MELTF: variants seen among roughly 807,000 people sequenced by gnomAD.
MELTF encodes antigen p97 (melanoma associated) identified by monoclonal antibodies 133.2 and 96.5.
In MELTF, 67 loss-of-function variants were observed where a neutral mutation model predicts 83.7. That is an observed-to-expected ratio of 0.80 (90% CI 0.66 to 0.98). The LOEUF (loss-of-function observed/expected upper bound fraction) is 0.98. Among genes scored for constraint, MELTF ranks in the 50% least tolerant of loss-of-function variants. The probability of loss-of-function intolerance (pLI) is 0.00; values close to 1 mark genes in which losing one functional copy is unlikely to be tolerated. For missense variants in MELTF, 1,002 were observed against 1,035.6 expected (o/e 0.97, Z 0.44); for synonymous variants, 462 against 447.6 (o/e 1.03, Z -0.41).
At chr3:197,014,115 A>G (rs1719274877) in intron 9 of MELTF, among the ~76,000 whole-genome samples, 1 of 152,228 alleles carries the variant, frequency 6.6e-6, no homozygotes, top group African/African-American at 2.4e-5. Flanking sequence ...CCAGGTGTCC[A>G]ACAACAGAGG....
At position 197,024,120 on chromosome 3, in the gene MELTF, A is replaced by C. The variant is rs890732239; in HGVS notation, c.487+183T>G. On this transcript the variant is annotated intron_variant, in intron 4 of 15. Coordinates refer to ENST00000296350, the MANE Select transcript of MELTF (RefSeq NM_005929.6). This position sits in a 1 kb window ranked among gnomAD's most constrained non-coding sequence, Gnocchi z 5.3. Reference sequence around the variant, plus strand: ...CAGGGTCCAAGCAAGCAGGAAGTCAAGCGGCGGCGCCGGCGGCAGAGTGGA... The same window carrying C: ...CAGGGTCCAAGCAAGCAGGAAGTCACGCGGCGGCGCCGGCGGCAGAGTGGA... Among the ~76,000 whole-genome samples the C allele has an allele frequency of 1.5e-5, 2 of 137,670 alleles. No homozygotes were observed. The highest frequency in any genetic ancestry group is 5.4e-5 in the African/African-American group (2 of 37,082). 90.3% of individuals were successfully genotyped at this position (137,670 alleles called of 152,430 possible).
At chr3:197,027,583 G>A (rs1719907584) in intron 2 of MELTF, among the ~76,000 whole-genome samples, 173 bp downstream of exon 2, 1 of 152,248 alleles carries the variant, frequency 6.6e-6, no homozygotes, top group Non-Finnish European at 1.5e-5. Flanking sequence ...CCCACCTCCT[G>A]GCCTGGGCCC....
Position 197,003,268 on chromosome 3 carries a change from C to T in MELTF, c.*104G>A, listed in dbSNP as rs1293684671. ...TCCCGGGGAGGCGCCTGCTCCCGCC[C>T]ACGCCGGGCCCGGCCTTCGCGAGCT... On this transcript the variant is annotated 3_prime_UTR_variant, in exon 16 of 16. Coordinates refer to ENST00000296350, the MANE Select transcript of MELTF (RefSeq NM_005929.6). This position sits in a 1 kb window ranked among gnomAD's most constrained non-coding sequence, Gnocchi z 6.2. 9.7e-7 allele frequency: 1 copy of T among 1,029,234 alleles called. No individual in the cohort carries two copies. Among genetic ancestry groups the T allele is most frequent in the Non-Finnish European group, 1.2e-6 (1 of 860,168 alleles). 63.8% of individuals were successfully genotyped at this position (1,029,234 alleles called of 1,614,324 possible).
intron 9 of MELTF, among the ~76,000 whole-genome samples, chr3:197,014,454 C>A (rs1316762466): frequency 2.4e-5 from 3 of 124,680 alleles, no homozygotes; most frequent in Non-Finnish European, 4.8e-5. Flanking sequence ...ATGGTGTGAT[C>A]TCGGCTCCCT....
chr3:197,003,285 T>TC lies in MELTF; in HGVS notation c.*86dup. On this transcript the variant is annotated 3_prime_UTR_variant, in exon 16 of 16. Transcript: ENST00000296350. This position sits in a 1 kb window ranked among gnomAD's most constrained non-coding sequence, Gnocchi z 6.2. ...CTCCCGCCCACGCCGGGCCCGGCCT[T>TC]CGCGAGCTTCCTTCTGGATTCCAGC... The TC allele has an allele frequency of 9.7e-7, 1 of 1,028,836 alleles. No individual in the cohort carries two copies. Among genetic ancestry groups the TC allele is most frequent in the Non-Finnish European group, 1.2e-6 (1 of 861,046 alleles). The allele number at this position is 1,028,836 out of a possible 1,614,324, so 63.7% of individuals were successfully genotyped here.
chr3:197,006,542 G>A lies in MELTF; in HGVS notation c.1938+7C>T, dbSNP rs765737874. The A allele has an allele frequency of 6.2e-7, 1 of 1,610,468 alleles. No homozygotes were observed. Among genetic ancestry groups the A allele is most frequent in the Non-Finnish European group, 8.5e-7 (1 of 1,178,354 alleles). On this transcript the variant is annotated splice_region_variant and intron_variant, in intron 14 of 15. Coordinates refer to ENST00000296350, the MANE Select transcript of MELTF (RefSeq NM_005929.6). This position sits in a 1 kb window ranked among gnomAD's most constrained non-coding sequence, Gnocchi z 5.4. The stretch of plus-strand genomic sequence containing the variant: ...CCCCTCAATGAGGTAGCCCCACCCT[G>A]GCTCACCTGGGCCTTGTCCAGCAGT...
intron 8 of MELTF, 62 bp from the exon 9 acceptor site, chr3:197,015,578 C>T (rs1005304036): frequency 2.1e-5 from 32 of 1,530,576 alleles, no homozygotes; most frequent in East Asian, 1.4e-4. Flanking sequence ...AGCATGGAGT[C>T]GGACCCAAGG....
chr3:197,017,935 T>C (rs1317941223), intron 6 of MELTF, among the ~76,000 whole-genome samples: 1 of 152,136 alleles, frequency 6.6e-6, no homozygotes, highest in Non-Finnish European at 1.5e-5. Flanking sequence ...TAGGATGAGC[T>C]TGCGGCTGCC....
intron 14 of MELTF, chr3:197,004,372 A>G (rs1489118351): frequency 2.0e-6 from 1 of 503,772 alleles, no homozygotes; most frequent in Non-Finnish European, 3.6e-6. Context: ...CTGAGGCCTG[A>G]GATGTCCAGG....
chr3:197,021,455 C>A lies in MELTF; in HGVS notation c.661G>T (p.Ala221Ser). 2 of 1,614,030 alleles carry A rather than the reference C, an allele frequency of 1.2e-6. No individual in the cohort carries two copies. Among genetic ancestry groups the A allele is most frequent in the Non-Finnish European group, 1.7e-6 (2 of 1,180,022 alleles). ...SGAFRCLAEG[A>S]GDVAFVKHST... is the part of the protein sequence containing the mutation. ...TGCTTCACAAAAGCCACGTCCCCTG[C>A]CCCTTCCGCCAGGCACCTGCGGAGG... Residue 221 changes from alanine (A) to serine (S), a missense_variant, in exon 6 of 16, where the codon GCA becomes TCA. By Grantham distance (99) the Ala-to-Ser change is moderately conservative (BLOSUM62 1). Transcript: ENST00000296350.
At position 197,011,111 on chromosome 3, in the gene MELTF, C is replaced by A. The variant is rs1435293246; in HGVS notation, c.1234-317G>T. On this transcript the variant is annotated intron_variant, in intron 9 of 15. Coordinates refer to ENST00000296350, the MANE Select transcript of MELTF (RefSeq NM_005929.6). The surrounding 1 kb of genome is among the most constrained non-coding windows in gnomAD (Gnocchi z 4.2). ...GCGCGATCCCTACCCTCATGCTTGG[C>A]GTGGGCCTCCCTGTGCCCTGCCAGC... 6.6e-6 allele frequency among the ~76,000 whole-genome samples: 1 copy of A among 152,222 alleles called. No individual in the cohort carries two copies. The highest frequency in any genetic ancestry group is 1.5e-5 in the Non-Finnish European group (1 of 68,024).
chr3:197,017,441 C>G (rs926202220), intron 6 of MELTF, 151 bp from the exon 7 acceptor site: 63 of 666,028 alleles, frequency 9.5e-5, no homozygotes, highest in Admixed American at 8.2e-4. Context: ...GTGGCCGCAC[C>G]CAACTCCAGG....
intron 3 of MELTF, among the ~76,000 whole-genome samples, chr3:197,025,039 G>A (rs910932613): frequency 1.3e-5 from 2 of 152,222 alleles, no homozygotes; most frequent in Non-Finnish European, 2.9e-5. Flanking sequence ...GCCCCAAGTC[G>A]CTCACGACCC....
chr3:197,017,678 C>A (rs749179869), intron 6 of MELTF, among the ~76,000 whole-genome samples: 4 of 152,092 alleles, frequency 2.6e-5, no homozygotes, highest in East Asian at 1.9e-4. Context: ...GAGATCAAGA[C>A]CATCCTGGCT....
Position 197,006,593 on chromosome 3 carries a change from C to T in MELTF, c.1894G>A (p.Asp632Asn), listed in dbSNP as rs1004210759. 2.6e-5 allele frequency: 42 copies of T among 1,612,666 alleles called. No homozygotes were observed. The highest frequency in any genetic ancestry group is 9.4e-5 in the African/African-American group (7 of 74,666). The part of the protein sequence containing the change: ...IPPHAVMVRP[D>N]TNIFTVYGLL... ...CCATACACGGTGAAGATGTTGGTGT[C>T]GGGCCGGACCATCACGGCGTGGGGT... Residue 632 changes from aspartate (D) to asparagine (N), a missense_variant, in exon 14 of 16, where the codon GAC (aspartate) becomes AAC (asparagine). Coordinates refer to ENST00000296350, the MANE Select transcript of MELTF (RefSeq NM_005929.6). The surrounding 1 kb of genome is among the most constrained non-coding windows in gnomAD (Gnocchi z 5.4).
chr3:197,004,886 C>T (rs1303067893), intron 14 of MELTF: 1 of 152,252 alleles, frequency 6.6e-6, no homozygotes, highest in Non-Finnish European at 1.5e-5. Flanking sequence ...AATGCACATC[C>T]ACCCAGGATT....
intron 2 of MELTF, chr3:197,027,214 TGGG>T (rs1162493132): frequency 1.0e-5 from 2 of 197,466 alleles, no homozygotes; most frequent in African/African-American, 4.6e-5. Flanking sequence ...GATTAGGTCT[TGGG>T]GGCATATGGG....
chr3:197,018,885 T>G (rs1262221443), intron 6 of MELTF: 1 of 961,862 alleles, frequency 1.0e-6, no homozygotes, highest in Admixed American at 6.2e-5. Flanking sequence ...TTTGCAAGAG[T>G]AACTATTAAC....
In MELTF at chr3:197,006,572, A is replaced by G; in HGVS notation, c.1915T>C (p.Tyr639His). Residue 639 changes from tyrosine to histidine, a missense_variant, in exon 14 of 16, where the codon TAT (tyrosine) becomes CAT (histidine). By Grantham distance (83) the Tyr-to-His change is moderately conservative. Transcript: ENST00000296350. The surrounding 1 kb of genome is among the most constrained non-coding windows in gnomAD (Gnocchi z 5.4). ...VRPDTNIFTV[Y>H]GLLDKAQDLF... The stretch of plus-strand genomic sequence containing the variant: ...ACCTGGGCCTTGTCCAGCAGTCCAT[A>G]CACGGTGAAGATGTTGGTGTCGGGC... 6.2e-7 allele frequency: 1 copy of G among 1,613,562 alleles called. No homozygotes were observed. Among genetic ancestry groups the G allele is most frequent in the Non-Finnish European group, 8.5e-7 (1 of 1,179,746 alleles).
Sources: allele counts gnomAD v4.1 joint callset (sites outside exome capture counted in the v4.1 genomes callset), GRCh38; gene constraint gnomAD v4.1.1; non-coding constraint Gnocchi (gnomAD v3.1); transcripts MANE v1.5; gene names NCBI Gene and HGNC (gene_info 2026-07-23, HGNC 2026-07-21).